DENND1A: variants seen among roughly 807,000 people sequenced by gnomAD.
DENND1A encodes the protein DENN domain-containing protein 1A.
Under a neutral mutation model 113.7 loss-of-function variants are expected in DENND1A, and 51 were observed. The ratio of observed to expected loss-of-function variants is 0.45; its 90% confidence interval spans 0.36 to 0.57. The LOEUF (loss-of-function observed/expected upper bound fraction) is 0.57. Among genes scored for constraint, DENND1A ranks in the 20% least tolerant of loss-of-function variants. The probability of loss-of-function intolerance (pLI) is 0.00; values close to 1 mark genes in which losing one functional copy is unlikely to be tolerated. For synonymous variants in DENND1A, 565 were observed against 570.8 expected, an observed-to-expected ratio of 0.99 and a Z score of 0.14; for missense variants, 1,258 against 1,395.9, an observed-to-expected ratio of 0.90 and a Z score of 1.57.
intron 2 of DENND1A, among the ~76,000 whole-genome samples, chr9:123,829,380 TCA>T (rs1336371614): frequency 2.0e-5 from 3 of 151,382 alleles, no homozygotes. Flanking sequence ...GGTGATGAAC[TCA>T]CAAAAAAAAT....
intron 19 of DENND1A, among the ~76,000 whole-genome samples, chr9:123,412,517 G>A (rs1348637843): frequency 1.3e-5 from 2 of 152,236 alleles, no homozygotes; most frequent in Non-Finnish European, 1.5e-5. Context: ...TGCAGGCTCT[G>A]TGAGACCTGG....
At chr9:123,674,321 GTC>G (rs1351282438) in intron 6 of DENND1A, among the ~76,000 whole-genome samples, 4 of 102,580 alleles carry the variant, frequency 3.9e-5, no homozygotes, top group Non-Finnish European at 6.2e-5. Context: ...CAATCTCTCT[GTC>G]TCTGTCTCTG....
intron 2 of DENND1A, among the ~76,000 whole-genome samples, chr9:123,807,733 G>C (rs1835835660): frequency 6.6e-6 from 1 of 152,166 alleles, no homozygotes. Context: ...TCCTTCAACA[G>C]ACTTCATGGA....
chr9:123,637,666 T>C lies in DENND1A; in HGVS notation c.619-7190A>G, dbSNP rs116046471. ...TTTCAAGAAACTATCAAAGATACTC[T>C]AGCAGAAAGGCAACTTAGAACATCT... is the stretch of plus-strand genomic sequence containing the variant. On this transcript the variant is annotated intron_variant, in intron 9 of 23. Coordinates refer to ENST00000394215, the MANE Select transcript of DENND1A (RefSeq NM_001352964.2). 1.6e-3 allele frequency among the ~76,000 whole-genome samples: 239 copies of C among 152,276 alleles called. 1 individual carries two copies. Among genetic ancestry groups the C allele is most frequent in the African/African-American group, 5.0e-3 (207 of 41,544 alleles).
intron 18 of DENND1A, among the ~76,000 whole-genome samples, chr9:123,447,682 C>T (rs533972098): frequency 1.3e-5 from 2 of 151,516 alleles, no homozygotes; most frequent in East Asian, 3.9e-4. Context: ...GAAACTGCCT[C>T]GATTTCATGG....
intron 13 of DENND1A, among the ~76,000 whole-genome samples, chr9:123,524,986 G>A (rs112755906): frequency 6.6e-6 from 1 of 152,228 alleles, no homozygotes; most frequent in South Asian, 2.1e-4. Context: ...ACAGGGAGTA[G>A]ATAGGCACTG....
rs75579560 is a variant in DENND1A, at chr9:123,694,644, C to T, written c.303-17855G>A. Among the ~76,000 whole-genome samples the T allele has an allele frequency of 6.8e-3, 1,039 of 152,282 alleles. 10 individuals carry two copies. The highest frequency in any genetic ancestry group is 0.023 in the African/African-American group (951 of 41,554). ...TTGTCTGAATGTATAGTAGTGCAGT[C>T]GCTGTTTTCAATATCTAGAATTGTC... On this transcript the variant is annotated intron_variant, in intron 5 of 23. Transcript: ENST00000394215.
chr9:123,832,655 A>G (rs996995186), intron 2 of DENND1A, among the ~76,000 whole-genome samples: 2 of 152,256 alleles, frequency 1.3e-5, no homozygotes, highest in Non-Finnish European at 2.9e-5. Context: ...TGGCATATTC[A>G]TATTACAGAA....
intron 2 of DENND1A, among the ~76,000 whole-genome samples, chr9:123,877,907 T>C (rs1336678850): frequency 6.6e-6 from 1 of 152,228 alleles, no homozygotes; most frequent in Non-Finnish European, 1.5e-5. Flanking sequence ...AGGAATTAGA[T>C]GGCTGAAATA....
intron 8 of DENND1A, among the ~76,000 whole-genome samples, chr9:123,653,725 G>A (rs140616339): frequency 2.6e-5 from 4 of 151,820 alleles, no homozygotes; most frequent in East Asian, 3.9e-4. Flanking sequence ...AAAAAGAAAC[G>A]CAACAAGATC....
chr9:123,394,263 G>A (rs1037880880), intron 21 of DENND1A, among the ~76,000 whole-genome samples: 4 of 152,162 alleles, frequency 2.6e-5, no homozygotes, highest in Admixed American at 6.5e-5. Context: ...CTCCCAAAGC[G>A]CCTGGCCAGA....
intron 13 of DENND1A, among the ~76,000 whole-genome samples, chr9:123,504,737 A>C (rs1408205983): frequency 6.6e-6 from 1 of 152,102 alleles, no homozygotes; most frequent in Non-Finnish European, 1.5e-5. Context: ...CAGGGCCGGC[A>C]CTCCTGATGC....
At chr9:123,443,695 C>A (rs561377153) in intron 18 of DENND1A, among the ~76,000 whole-genome samples, 1 of 152,284 alleles carries the variant, frequency 6.6e-6, no homozygotes, top group East Asian at 1.9e-4. Flanking sequence ...AGGCTCACGC[C>A]GGTAATCCCA....
Position 123,538,829 on chromosome 9 carries a change from T to C in DENND1A, c.993+18741A>G, listed in dbSNP as rs1184177637. 6.0e-4 allele frequency among the ~76,000 whole-genome samples: 64 copies of C among 107,164 alleles called. 1 individual carries two copies. Among genetic ancestry groups the C allele is most frequent in the Non-Finnish European group, 8.9e-4 (46 of 51,880 alleles). 70.3% of individuals were successfully genotyped at this position (107,164 alleles called of 152,430 possible). A position where few individuals can be genotyped will look rare whatever the true frequency, so the allele number is the denominator to read the frequency against. On this transcript the variant is annotated intron_variant, in intron 13 of 23. Coordinates refer to ENST00000394215, the MANE Select transcript of DENND1A (RefSeq NM_001352964.2). ...TCATACATATATATATATATATATA[T>C]ATATATATATATATATATATATATA...
intron 13 of DENND1A, among the ~76,000 whole-genome samples, chr9:123,463,908 CA>C (rs373633673): frequency 3.2e-5 from 4 of 123,104 alleles, no homozygotes; most frequent in Non-Finnish European, 3.3e-5. Flanking sequence ...GACTCCAGCT[CA>C]AAAAAAAAAA....
chr9:123,675,212 AT>A (rs1355605386), intron 6 of DENND1A, among the ~76,000 whole-genome samples: 1 of 152,192 alleles, frequency 6.6e-6, no homozygotes, highest in African/African-American at 2.4e-5. Context: ...TAAAAAAATG[AT>A]TTAGTCATTA....
chr9:123,773,815 C>A (rs1273390305), intron 3 of DENND1A, among the ~76,000 whole-genome samples: 1 of 152,084 alleles, frequency 6.6e-6, no homozygotes, highest in Non-Finnish European at 1.5e-5. Context: ...ACTGGAGTTA[C>A]AGAATGCAGG....
chr9:123,923,062 G>A (rs1856540542), intron 1 of DENND1A, among the ~76,000 whole-genome samples: 2 of 152,158 alleles, frequency 1.3e-5, no homozygotes, highest in Non-Finnish European at 2.9e-5. Context: ...CGAACCCAGA[G>A]ATTAGCTCTC....
intron 19 of DENND1A, among the ~76,000 whole-genome samples, chr9:123,425,039 A>G (rs1451189858): frequency 6.6e-6 from 1 of 152,234 alleles, no homozygotes; most frequent in African/African-American, 2.4e-5. Context: ...CCTCTGGCAC[A>G]GCACTCCTGT....
Sources: allele counts gnomAD v4.1 joint callset (sites outside exome capture counted in the v4.1 genomes callset), GRCh38; gene constraint gnomAD v4.1.1; transcripts MANE v1.5; gene names NCBI Gene and HGNC (gene_info 2026-07-23, HGNC 2026-07-21).